The following RTL4 variants were observed in gnomAD, a reference collection of about 807,000 sequenced individuals.
RTL4 encodes the protein retrotransposon Gag-like protein 4.
In RTL4, 4 loss-of-function variants were observed where a neutral mutation model predicts 5.3. The ratio of observed to expected loss-of-function variants is 0.75; its 90% CI spans 0.37 to 1.72. RTL4 has a LOEUF of 1.72. Ranked by LOEUF, RTL4 falls within the 40% of genes most tolerant of loss-of-function variation. The probability of loss-of-function intolerance (pLI) is 0.04; values close to 1 mark genes in which losing one functional copy is unlikely to be tolerated. For missense variants in RTL4, 260 were observed against 227.1 expected, an observed-to-expected ratio of 1.14 and a Z score of -0.93; for synonymous variants, 98 against 87.3, an observed-to-expected ratio of 1.12 and a Z score of -0.68.
the RTL4 span, among the ~76,000 whole-genome samples, chrX:112,297,184 T>C: frequency 1.8e-5 from 2 of 111,245 alleles, no homozygotes; most frequent in East Asian, 5.7e-4. Flanking sequence ...AGGCTCTTCT[T>C]AGAATCCCTT....
At chrX:112,201,573 G>C in the RTL4 span, among the ~76,000 whole-genome samples, 1 of 110,080 alleles carries the variant, frequency 9.1e-6, no homozygotes, top group African/African-American at 3.3e-5. Flanking sequence ...CAATGAAGTA[G>C]AGGAGGACTG....
chrX:112,200,077 A>G, the RTL4 span, among the ~76,000 whole-genome samples: 1 of 112,208 alleles, frequency 8.9e-6, no homozygotes, highest in African/African-American at 3.2e-5. Context: ...TCCCCATTCT[A>G]CAGCTGAGGA....
chrX:112,199,750 A>G, the RTL4 span, among the ~76,000 whole-genome samples: 1 of 111,802 alleles, frequency 8.9e-6, no homozygotes, highest in African/African-American at 3.3e-5. Flanking sequence ...AAGCTCATTA[A>G]ACAGTACCAG....
At chrX:112,095,574 C>A in the RTL4 span, among the ~76,000 whole-genome samples, 2 of 111,350 alleles carry the variant, frequency 1.8e-5, no homozygotes, top group Admixed American at 9.5e-5. Context: ...CAGGGGAAAT[C>A]TATGGATAGG....
At chrX:112,099,646 G>T in the RTL4 span, among the ~76,000 whole-genome samples, 2 of 111,362 alleles carry the variant, frequency 1.8e-5, no homozygotes, top group African/African-American at 3.3e-5. Flanking sequence ...GATTGTCAAA[G>T]AATTTGTACA....
the RTL4 span, among the ~76,000 whole-genome samples, chrX:112,325,572 TG>T: frequency 8.9e-6 from 1 of 111,953 alleles, no homozygotes; most frequent in Non-Finnish European, 1.9e-5. Context: ...ATTTAAGAAA[TG>T]GTGCTGGGAA....
At chrX:112,121,851 T>C in the RTL4 span, among the ~76,000 whole-genome samples, 1 of 111,625 alleles carries the variant, frequency 9.0e-6, no homozygotes, top group Non-Finnish European at 1.9e-5. Flanking sequence ...TTAGAAAATC[T>C]ATTAATATAA....
chrX:112,251,967 C>T, the RTL4 span, among the ~76,000 whole-genome samples: 1 of 111,457 alleles, frequency 9.0e-6, no homozygotes, highest in African/African-American at 3.3e-5. Context: ...TACACTCAAG[C>T]ACGGAAGGTG....
Position 112,454,637 on chromosome X carries a change from C to T in RTL4, c.-92C>T. ...CTTTGGCTACTTGCTCATGACACTC[C>T]GTCTCTGATCACAGAGCAAATCCAC... On this transcript the variant is annotated 5_prime_UTR_variant, in exon 1 of 1. Transcript: ENST00000340433. 9.2e-6 allele frequency: 8 copies of T among 868,588 alleles called. No individual in the cohort carries two copies. The South Asian group carries it at 1.9e-4, about 21-fold the overall frequency. 71.6% of individuals were successfully genotyped at this position (868,588 alleles called of 1,213,427 possible). A position where few individuals can be genotyped will look rare whatever the true frequency, so the allele number is the denominator to read the frequency against.
the RTL4 span, among the ~76,000 whole-genome samples, chrX:112,398,396 CTTTT>C: frequency 1.4e-5 from 1 of 72,169 alleles, no homozygotes; most frequent in Non-Finnish European, 2.5e-5. Flanking sequence ...TTCTTTCTTT[CTTTT>C]TTTTTTTTTT....
the RTL4 span, among the ~76,000 whole-genome samples, chrX:112,416,171 G>A: frequency 9.0e-6 from 1 of 111,293 alleles, no homozygotes. Flanking sequence ...CTCTGTGTTT[G>A]TCTGTGCATA....
chrX:112,378,123 G>T, the RTL4 span, among the ~76,000 whole-genome samples: 1 of 111,322 alleles, frequency 9.0e-6, no homozygotes, highest in Non-Finnish European at 1.9e-5. Context: ...GATGGACCAG[G>T]TTTCCATGTC....
the RTL4 span, among the ~76,000 whole-genome samples, chrX:112,157,976 A>G: frequency 1.8e-5 from 2 of 111,308 alleles, no homozygotes; most frequent in East Asian, 2.8e-4. Flanking sequence ...GTGGGACACT[A>G]CTTTTGACTG....
At chrX:112,393,170 T>TTTTG in the RTL4 span, among the ~76,000 whole-genome samples, 354 of 99,182 alleles carry the variant, frequency 3.6e-3, 4 homozygotes, top group African/African-American at 0.015. Flanking sequence ...TGTTTTTTTT[T>TTTTG]TTTGTTTGTT....
chrX:112,239,527 A>C, the RTL4 span, among the ~76,000 whole-genome samples: 2 of 111,463 alleles, frequency 1.8e-5, no homozygotes, highest in African/African-American at 6.5e-5. Flanking sequence ...AATTTCCAAC[A>C]CACATGGCAG....
At chrX:112,230,519 G>A in the RTL4 span, among the ~76,000 whole-genome samples, 3 of 112,159 alleles carry the variant, frequency 2.7e-5, no homozygotes, top group Admixed American at 9.4e-5. Context: ...CATGCACGGT[G>A]CACTGCACCC....
the RTL4 span, among the ~76,000 whole-genome samples, chrX:112,289,133 G>C: frequency 8.9e-6 from 1 of 111,989 alleles, no homozygotes. Flanking sequence ...AAGTACGAAG[G>C]GACTGAAGTA....
At chrX:112,317,210 G>A in the RTL4 span, among the ~76,000 whole-genome samples, 2 of 111,430 alleles carry the variant, frequency 1.8e-5, no homozygotes, top group Non-Finnish European at 3.8e-5. Context: ...GCATGGTGGC[G>A]TGCACCTGTA....
the RTL4 span, among the ~76,000 whole-genome samples, chrX:112,392,150 CA>C: frequency 8.9e-6 from 1 of 111,930 alleles, no homozygotes; most frequent in African/African-American, 3.3e-5. Context: ...GGCAGTTCCA[CA>C]ACAGACGCAG....
Sources: gnomAD v4.1 joint callset for allele counts (sites outside exome capture counted in the v4.1 genomes callset) on GRCh38, gnomAD v4.1.1 for gene constraint, MANE v1.5 for transcripts, NCBI Gene and HGNC (gene_info 2026-07-23, HGNC 2026-07-21) for gene names.